AGL: variants seen among roughly 807,000 people sequenced by gnomAD.
AGL encodes glycogen debranching enzyme.
Under a neutral mutation model 199.3 loss-of-function variants are expected in AGL, and 128 were observed. The ratio of observed to expected loss-of-function variants is 0.64; its 90% CI spans 0.56 to 0.74. The LOEUF (loss-of-function observed/expected upper bound fraction) is 0.74, where lower values mean the gene tolerates loss of function less well. AGL is among the 30% of genes least tolerant of loss of function. The pLI, the probability that AGL is intolerant of heterozygous loss-of-function variation, is 0.00. For synonymous variants in AGL, 584 were observed against 594.7 expected (o/e 0.98, Z 0.26); for missense variants, 1,809 against 1,820.8 (o/e 0.99, Z 0.12).
At chr1:99,870,095 CG>C (rs1650861525) in intron 5 of AGL, among the ~76,000 whole-genome samples, 1 of 151,966 alleles carries the variant, frequency 6.6e-6, no homozygotes, top group African/African-American at 2.4e-5. Context: ...ATCAAAACAA[CG>C]TATTTCATTA....
chr1:99,902,860 C>T, intron 27 of AGL, 66 bp downstream of exon 27: 1 of 1,214,734 alleles, frequency 8.2e-7, no homozygotes. Context: ...TGCAATTGTT[C>T]ACTTAGTAAA....
intron 29 of AGL, among the ~76,000 whole-genome samples, chr1:99,912,846 G>A (rs1420756108): frequency 6.6e-6 from 1 of 152,132 alleles, no homozygotes; most frequent in Non-Finnish European, 1.5e-5. Flanking sequence ...CCAAAATAAT[G>A]TGAACCACAT....
intron 2 of AGL, among the ~76,000 whole-genome samples, chr1:99,860,029 C>CA (rs1413694474): frequency 6.6e-6 from 1 of 151,946 alleles, no homozygotes; most frequent in Non-Finnish European, 1.5e-5. Flanking sequence ...ATACTTTTCT[C>CA]AAAAAATCTA....
chr1:99,875,050 C>T (rs1436673477), intron 8 of AGL, 104 bp from the exon 9 acceptor site: 14 of 1,123,216 alleles, frequency 1.2e-5, no homozygotes, highest in Middle Eastern at 4.5e-4. Context: ...ATTGAAATCC[C>T]GATGAATATA....
chr1:99,869,848 T>A (rs536540958), intron 5 of AGL, among the ~76,000 whole-genome samples: 1 of 152,184 alleles, frequency 6.6e-6, no homozygotes, highest in African/African-American at 2.4e-5. Flanking sequence ...TAGGTAGATA[T>A]AAGGTTTCAC....
At chr1:99,904,947 A>G (rs1190971848) in intron 27 of AGL, among the ~76,000 whole-genome samples, 1 of 152,166 alleles carries the variant, frequency 6.6e-6, no homozygotes, top group African/African-American at 2.4e-5. Flanking sequence ...TTCATGTACA[A>G]GTTTTTGTGT....
intron 28 of AGL, among the ~76,000 whole-genome samples, chr1:99,912,094 T>G (rs1268204226): frequency 2.0e-5 from 3 of 152,204 alleles, no homozygotes; most frequent in African/African-American, 7.2e-5. Context: ...GTTTGCTATC[T>G]TTTCTCTAGT....
Position 99,910,778 on chromosome 1 carries a change from G to T in AGL, c.3767G>T (p.Cys1256Phe). ...GTTTATGGAGGAAATCGTTTCAATT[G>T]TGGCACATGGATGGATAAAATGGGA... ...GFVYGGNRFN[C>F]GTWMDKMGES... The change falls in exon 28 of 34, where the codon TGT (cysteine) becomes TTT (phenylalanine). Residue 1256 changes from cysteine to phenylalanine, a missense_variant. Coordinates refer to ENST00000361915, the MANE Select transcript of AGL (RefSeq NM_000642.3). 6.2e-7 allele frequency: 1 copy of T among 1,612,882 alleles called. No homozygotes were observed. The highest frequency in any genetic ancestry group is 8.5e-7 in the Non-Finnish European group (1 of 1,179,138).
At chr1:99,885,635 A>AT (rs1272748413) in intron 20 of AGL, among the ~76,000 whole-genome samples, 5 of 152,042 alleles carry the variant, frequency 3.3e-5, no homozygotes, top group Admixed American at 6.6e-5. Flanking sequence ...TTAGATTCTC[A>AT]TAGGGACGTG....
At chr1:99,900,595 G>A in intron 25 of AGL, 41 bp from the exon 26 acceptor site, 1 of 1,576,654 alleles carries the variant, frequency 6.3e-7, no homozygotes. Context: ...ATTTTTAAGT[G>A]TTTGTTTTCA....
In AGL at chr1:99,916,750, G is replaced by T. The variant is rs754330405; in HGVS notation, c.4481+19G>T. ...TTGAGAGGTAAGTCATCAGGAGCATGTAATTTCCATAACTAGTGTTTAGTC... is the reference window on the plus strand; with the variant it reads ...TTGAGAGGTAAGTCATCAGGAGCATTTAATTTCCATAACTAGTGTTTAGTC... On this transcript the variant is annotated intron_variant, in intron 33 of 33. Coordinates refer to ENST00000361915, the MANE Select transcript of AGL (RefSeq NM_000642.3). 10 of 1,610,804 alleles carry T rather than the reference G, an allele frequency of 6.2e-6. No homozygotes were observed. Among genetic ancestry groups the T allele is most frequent in the Non-Finnish European group, 8.5e-6 (10 of 1,177,448 alleles).
intron 21 of AGL, among the ~76,000 whole-genome samples, chr1:99,890,273 C>T (rs1652775677): frequency 6.6e-6 from 1 of 152,054 alleles, no homozygotes; most frequent in Non-Finnish European, 1.5e-5. Context: ...CACTGTTTTC[C>T]TTATGTCCTT....
At chr1:99,920,383 A>G (rs1392008699) in intron 33 of AGL, among the ~76,000 whole-genome samples, 1 of 152,158 alleles carries the variant, frequency 6.6e-6, no homozygotes, top group Admixed American at 6.5e-5. Flanking sequence ...ATGTGGCATT[A>G]TCTTAACTAA....
rs746030369 is a variant in AGL, at chr1:99,912,430, G to A, written c.3862G>A (p.Gly1288Ser). Residue 1288 changes from glycine to serine, a missense_variant, in exon 29 of 34, where the codon GGC becomes AGC. By Grantham distance (56) the Gly-to-Ser change is moderately conservative. Transcript: ENST00000361915. ...PRDGSAVEIV[G>S]LSKSAVRWLL... ...AGATGGGTCTGCTGTGGAAATTGTG[G>A]GCCTGAGTAAATCTGCTGTTCGCTG... The A allele has an allele frequency of 6.2e-7, 1 of 1,613,838 alleles. No homozygotes were observed. The highest frequency in any genetic ancestry group is 8.5e-7 in the Non-Finnish European group (1 of 1,179,932).
chr1:99,877,177 T>G (rs1651618415), intron 11 of AGL, among the ~76,000 whole-genome samples: 1 of 152,210 alleles, frequency 6.6e-6, no homozygotes, highest in African/African-American at 2.4e-5. Context: ...TTAATGCTTT[T>G]TTTTAAGAGT....
At chr1:99,884,804 A>T in intron 20 of AGL, 101 bp downstream of exon 20, 1 of 1,424,658 alleles carries the variant, frequency 7.0e-7, no homozygotes, top group South Asian at 1.2e-5. Context: ...CTTGCTACTC[A>T]AAGTACGGTC....
intron 27 of AGL, 71 bp downstream of exon 27, chr1:99,902,865 AGTAAAT>A: frequency 8.4e-7 from 1 of 1,183,990 alleles, no homozygotes. Flanking sequence ...TTGTTCACTT[AGTAAAT>A]ATTTGTGTGC....
In AGL at chr1:99,879,936, C is replaced by G; in HGVS notation, c.1625C>G (p.Ala542Gly). The part of the protein sequence containing the change: ...PLHVAEYMLD[A>G]ARNLQPNLYV... ...TGCTTTTTACAGTACATGTTGGATG[C>G]TGCTAGGAATTTGCAACCCAATTTA... Residue 542 changes from alanine to glycine, a missense_variant, in exon 13 of 34, where the codon GCT becomes GGT. Transcript: ENST00000361915. 1 of 1,612,884 alleles carries G rather than the reference C, an allele frequency of 6.2e-7. No individual in the cohort carries two copies. The highest frequency in any genetic ancestry group is 1.7e-5 in the Admixed American group (1 of 59,978).
intron 2 of AGL, among the ~76,000 whole-genome samples, chr1:99,856,326 T>TCCTCCCTCCCTCCCTC (rs1335103886): frequency 4.1e-5 from 2 of 48,868 alleles, no homozygotes; most frequent in Non-Finnish European, 7.6e-5. Context: ...CTCCCTTCCT[T>TCCTCCCTCCCTCCCTC]CCTCCCTCCC....
Sources: allele counts gnomAD v4.1 joint callset (sites outside exome capture counted in the v4.1 genomes callset), GRCh38; gene constraint gnomAD v4.1.1; transcripts MANE v1.5; gene names NCBI Gene and HGNC (gene_info 2026-07-23, HGNC 2026-07-21).